The following CHD3 variants were observed in gnomAD, a reference collection of about 807,000 sequenced individuals.
CHD3 encodes the protein chromodomain helicase DNA binding protein 3, also known as ATP-dependent chromatin remodeler CHD3.
A neutral mutation model predicts 248.9 loss-of-function variants in CHD3; 52 were observed. The observed-to-expected ratio is 0.21, with a 90% CI of 0.17 to 0.26. The LOEUF is 0.26. CHD3 is among the 10% of genes least tolerant of loss of function. The probability of loss-of-function intolerance (pLI) is 1.00; values close to 1 mark genes in which losing one functional copy is unlikely to be tolerated. For synonymous variants in CHD3, 985 were observed against 985.2 expected (o/e 1.00, Z 0.00); for missense variants, 1,482 against 2,605.8 (o/e 0.57, Z 9.39).
At position 7,899,080 on chromosome 17, in the gene CHD3, T is replaced by C. The variant is rs1220259409; in HGVS notation, c.2221T>C (p.Leu741=). Residue 741 remains leucine, a synonymous_variant, in exon 14 of 40, where the codon TTG becomes CTG. Coordinates refer to ENST00000330494, the MANE Select transcript of CHD3 (RefSeq NM_001005273.3). The surrounding 1 kb of genome is among the most constrained non-coding windows in gnomAD (Gnocchi z 6.8). ...ATGGTLHMYQ[L]EGLNWLRFSW... Reference sequence around the variant, plus strand: ...TGGAGGCACCCTGCACATGTATCAGTTGGAAGGGCTGAACTGGCTACGCTT... The same window carrying C: ...TGGAGGCACCCTGCACATGTATCAGCTGGAAGGGCTGAACTGGCTACGCTT... 5.0e-6 allele frequency: 8 copies of C among 1,614,018 alleles called. No homozygotes were observed. The highest frequency in any genetic ancestry group is 1.1e-5 in the South Asian group (1 of 91,080).
At chr17:7,888,282 G>A (rs1968301351), upstream of CHD3, among the ~76,000 whole-genome samples, 1 of 152,246 alleles carries the variant, frequency 6.6e-6, no homozygotes, top group Non-Finnish European at 1.5e-5. Context: ...ACTGAAGGAA[G>A]GCGAGGCAGC....
intron 2 of CHD3, 118 bp from the exon 3 acceptor site, chr17:7,890,453 T>G (rs1202705821): frequency 8.6e-6 from 6 of 694,876 alleles, no homozygotes; most frequent in African/African-American, 3.7e-5. Context: ...AGATAAAAAA[T>G]TAGTTACTAT....
chr17:7,890,546 T>C, intron 2 of CHD3, 25 bp from the exon 3 acceptor site: 1 of 1,477,444 alleles, frequency 6.8e-7, no homozygotes, highest in Non-Finnish European at 9.1e-7. Flanking sequence ...GATGAATAAA[T>C]GTTATTTTTA....
chr17:7,893,891 A>G lies in CHD3; in HGVS notation c.880A>G (p.Ile294Val), dbSNP rs1969251372. Reference sequence around the variant, plus strand: ...GGGAAAGAAAATGGCACCACTCAAAATAAAACTAGGGCTTCTGGGTGGCAA... The same window carrying G: ...GGGAAAGAAAATGGCACCACTCAAAGTAAAACTAGGGCTTCTGGGTGGCAA... Reference protein sequence around the residue: ...LRGKKMAPLKIKLGLLGGKRK... With the variant: ...LRGKKMAPLKVKLGLLGGKRK... Residue 294 changes from isoleucine (I) to valine (V), a missense_variant, in exon 6 of 40, where the codon ATA (isoleucine) becomes GTA (valine). Coordinates refer to ENST00000330494, the MANE Select transcript of CHD3 (RefSeq NM_001005273.3). The G allele has an allele frequency of 6.2e-7, 1 of 1,604,372 alleles. No individual in the cohort carries two copies. Among genetic ancestry groups the G allele is most frequent in the East Asian group, 2.3e-5 (1 of 44,156 alleles).
In CHD3 at chr17:7,910,807, C is replaced by T; in HGVS notation, c.5755-40C>T. ...CCTACAGCTTCTTTCCTCTCACAGA[C>T]TATGAACTAACTCCAACTTCTGCTT... On this transcript the variant is annotated intron_variant, in intron 38 of 39. Transcript: ENST00000330494. The surrounding 1 kb of genome is among the most constrained non-coding windows in gnomAD (Gnocchi z 4.7). The T allele has an allele frequency of 6.3e-7, 1 of 1,581,288 alleles. No homozygotes were observed. Among genetic ancestry groups the T allele is most frequent in the East Asian group, 2.2e-5 (1 of 44,562 alleles).
chr17:7,897,342 C>T lies in CHD3; in HGVS notation c.1919+48C>T, dbSNP rs1567850180. The T allele has an allele frequency of 2.0e-6, 3 of 1,487,164 alleles. No homozygotes were observed. The highest frequency in any genetic ancestry group is 2.8e-6 in the Non-Finnish European group (3 of 1,072,060). 92.1% of individuals were successfully genotyped at this position (1,487,164 alleles called of 1,614,324 possible). ...GTCAGACCTGGTATATGACATTATT[C>T]TTACCATGGTGATGGCCCCATGTTA... is the stretch of plus-strand genomic sequence containing the variant. On this transcript the variant is annotated intron_variant, in intron 11 of 39. Coordinates refer to ENST00000330494, the MANE Select transcript of CHD3 (RefSeq NM_001005273.3). This position sits in a 1 kb window ranked among gnomAD's most constrained non-coding sequence, Gnocchi z 4.8.
chr17:7,901,505 T>TTG, intron 20 of CHD3, 130 bp downstream of exon 20: 3 of 80,038 alleles, frequency 3.7e-5, no homozygotes, highest in Non-Finnish European at 5.2e-5. Flanking sequence ...CCTGTAAGAG[T>TTG]TTTTTTTTTT....
At chr17:7,898,470 C>T (rs1055564668) in intron 12 of CHD3, 26 bp from the exon 13 acceptor site, 3 of 1,559,456 alleles carry the variant, frequency 1.9e-6, no homozygotes, top group African/African-American at 1.4e-5. Context: ...AGGATGAGGC[C>T]TCATTCAGAC....
In CHD3 at chr17:7,889,608, G is replaced by C; in HGVS notation, c.101-56G>C. The C allele has an allele frequency of 6.7e-7, 1 of 1,485,054 alleles. No individual in the cohort carries two copies. The highest frequency in any genetic ancestry group is 9.2e-7 in the Non-Finnish European group (1 of 1,083,092). The allele number at this position is 1,485,054 out of a possible 1,614,324, so 92.0% of individuals were successfully genotyped here. On this transcript the variant is annotated intron_variant, in intron 1 of 39. Coordinates refer to ENST00000330494, the MANE Select transcript of CHD3 (RefSeq NM_001005273.3). The surrounding 1 kb of genome is among the most constrained non-coding windows in gnomAD (Gnocchi z 4.5). ...AGGTGGGGAAGGGGCAAGTTGAGGG[G>C]CCTCAGAGGCTGGAAACCTAGAGGC...
chr17:7,910,383 C>A lies in CHD3; in HGVS notation c.5591-45C>A, dbSNP rs1971499599. On this transcript the variant is annotated intron_variant, in intron 37 of 39. Transcript: ENST00000330494. The surrounding 1 kb of genome is among the most constrained non-coding windows in gnomAD (Gnocchi z 4.7). ...TTTTCCTGGCTCCATCTCTGTATTT[C>A]CCTGTCTTTCTCTTGCCCTTCTTTC... The A allele has an allele frequency of 1.2e-6, 2 of 1,613,128 alleles. No individual in the cohort carries two copies. Among genetic ancestry groups the A allele is most frequent in the East Asian group, 2.2e-5 (1 of 44,858 alleles).
intron 4 of CHD3, among the ~76,000 whole-genome samples, chr17:7,891,286 C>G (rs1968819164): frequency 6.6e-6 from 1 of 152,190 alleles, no homozygotes; most frequent in South Asian, 2.1e-4. Flanking sequence ...GAGGGGCCAT[C>G]ATGATTCCAG....
In CHD3 at chr17:7,906,089, T is replaced by G. The variant is rs750811816; in HGVS notation, c.4358+100T>G. On this transcript the variant is annotated intron_variant, in intron 28 of 39. Coordinates refer to ENST00000330494, the MANE Select transcript of CHD3 (RefSeq NM_001005273.3). The surrounding 1 kb of genome is among the most constrained non-coding windows in gnomAD (Gnocchi z 5.0). ...GCCATATGATGTGACCTTACTCAAC[T>G]GATTATCACCCTCCCTGTCATACAA... is the stretch of plus-strand genomic sequence containing the variant. 7 of 1,499,314 alleles carry G rather than the reference T, an allele frequency of 4.7e-6. No individual in the cohort carries two copies. In the South Asian group the frequency reaches 7.9e-5, roughly 17 times the overall value. The allele number at this position is 1,499,314 out of a possible 1,614,324, so 92.9% of individuals were successfully genotyped here.
At position 7,910,687 on chromosome 17, in the gene CHD3, A is replaced by G. The variant is rs1971542123; in HGVS notation, c.5754+96A>G. 2.0e-5 allele frequency: 30 copies of G among 1,520,744 alleles called. No individual in the cohort carries two copies. The highest frequency in any genetic ancestry group is 4.1e-5 in the African/African-American group (3 of 72,440). The allele number at this position is 1,520,744 out of a possible 1,614,324, so 94.2% of individuals were successfully genotyped here. A position where few individuals can be genotyped will look rare whatever the true frequency, so the allele number is the denominator to read the frequency against. ...TCAGAATCCTATACAATATGGAAAA[A>G]CAACTTGCTAGAACACAGTCATCAC... On this transcript the variant is annotated intron_variant, in intron 38 of 39. Transcript: ENST00000330494. The surrounding 1 kb of genome is among the most constrained non-coding windows in gnomAD (Gnocchi z 4.7).
In CHD3 at chr17:7,903,812, T is replaced by C. The variant is rs1970585811; in HGVS notation, c.3728-13T>C. 2.5e-6 allele frequency: 4 copies of C among 1,612,174 alleles called. No homozygotes were observed. Among genetic ancestry groups the C allele is most frequent in the Non-Finnish European group, 3.4e-6 (4 of 1,178,562 alleles). On this transcript the variant is annotated splice_polypyrimidine_tract_variant and intron_variant, in intron 23 of 39. Transcript: ENST00000330494. This position sits in a 1 kb window ranked among gnomAD's most constrained non-coding sequence, Gnocchi z 6.8. ...TGGAACCCAAAGTTCCCGTTTGTTT[T>C]CCCTCTCACCAGGGGAGAACAAGGA...
In CHD3 at chr17:7,904,516, G is replaced by A; in HGVS notation, c.3969G>A (p.Arg1323=). 1 of 1,614,132 alleles carries A rather than the reference G, an allele frequency of 6.2e-7. No homozygotes were observed. The highest frequency in any genetic ancestry group is 8.5e-7 in the Non-Finnish European group (1 of 1,180,032). The change falls in exon 25 of 40, where the codon AGG becomes AGA. Residue 1323 remains arginine (R), a synonymous_variant. Coordinates refer to ENST00000330494, the MANE Select transcript of CHD3 (RefSeq NM_001005273.3). The surrounding 1 kb of genome is among the most constrained non-coding windows in gnomAD (Gnocchi z 4.4). The part of the protein sequence containing the change: ...VDPDYWEKLL[R]HHYEQQQEDL... ...CTGACTACTGGGAGAAGCTGCTGAG[G>A]CATCACTATGAGCAACAGCAGGAAG...
chr17:7,898,725 T>G (rs2151557214), intron 13 of CHD3, 130 bp downstream of exon 13: 5 of 784,870 alleles, frequency 6.4e-6, no homozygotes, highest in South Asian at 5.5e-5. Flanking sequence ...CAGCATCCAG[T>G]CTTGCCCCAA....
rs1969534358 is a variant in CHD3, at chr17:7,895,656, G to A, written c.1707+114G>A. The A allele has an allele frequency of 1.0e-6, 1 of 963,000 alleles. No individual in the cohort carries two copies. Among genetic ancestry groups the A allele is most frequent in the Non-Finnish European group, 1.6e-6 (1 of 631,410 alleles). The allele number at this position is 963,000 out of a possible 1,614,324, so 59.7% of individuals were successfully genotyped here. ...TACTCTTTGTTTTCTCTCATTTCAG[G>A]CCTGTGGCCTTCATACCCTACTTGC... On this transcript the variant is annotated intron_variant, in intron 10 of 39. Coordinates refer to ENST00000330494, the MANE Select transcript of CHD3 (RefSeq NM_001005273.3). This position sits in a 1 kb window ranked among gnomAD's most constrained non-coding sequence, Gnocchi z 4.9.
At position 7,908,884 on chromosome 17, in the gene CHD3, G is replaced by T; in HGVS notation, c.5394+55G>T. On this transcript the variant is annotated intron_variant, in intron 36 of 39. Coordinates refer to ENST00000330494, the MANE Select transcript of CHD3 (RefSeq NM_001005273.3). The surrounding 1 kb of genome is among the most constrained non-coding windows in gnomAD (Gnocchi z 5.8). ...ATAGACGGGCTTGGGTCAGAAGTGA[G>T]ACCAGATCTAGTTGGAACCTAGGGA... The T allele has an allele frequency of 6.2e-7, 1 of 1,610,680 alleles. No homozygotes were observed. Among genetic ancestry groups the T allele is most frequent in the South Asian group, 1.1e-5 (1 of 90,708 alleles).
At position 7,907,786 on chromosome 17, in the gene CHD3, G is replaced by A; in HGVS notation, c.5026+84G>A. ...CTGGGGAACCGAATGCTTGGGTCCT[G>A]GGCGGGTAGCTGTTTGAAAGGCCAG... On this transcript the variant is annotated intron_variant, in intron 33 of 39. Transcript: ENST00000330494. This position sits in a 1 kb window ranked among gnomAD's most constrained non-coding sequence, Gnocchi z 4.3. 1.3e-6 allele frequency: 2 copies of A among 1,504,812 alleles called. No homozygotes were observed. Among genetic ancestry groups the A allele is most frequent in the South Asian group, 1.3e-5 (1 of 77,504 alleles). The allele number at this position is 1,504,812 out of a possible 1,614,324, so 93.2% of individuals were successfully genotyped here. A position where few individuals can be genotyped will look rare whatever the true frequency, so the allele number is the denominator to read the frequency against.
Sources: gnomAD v4.1 joint callset for allele counts (sites outside exome capture counted in the v4.1 genomes callset) on GRCh38, gnomAD v4.1.1 for gene constraint, Gnocchi (gnomAD v3.1) non-coding constraint, MANE v1.5 for transcripts, NCBI Gene and HGNC (gene_info 2026-07-23, HGNC 2026-07-21) for gene names.